The following PRORP variants were observed in gnomAD, a reference collection of about 807,000 sequenced individuals.
PRORP encodes the protein protein only RNase P catalytic subunit.
A neutral mutation model predicts 59.4 loss-of-function variants in PRORP; 51 were observed. The observed-to-expected ratio is 0.86, with a 90% CI of 0.69 to 1.08. The LOEUF (loss-of-function observed/expected upper bound fraction) is 1.08, where lower values mean the gene tolerates loss of function less well. Among genes scored for constraint, PRORP ranks in the 50% least tolerant of loss-of-function variants. The pLI is 0.00. For synonymous variants in PRORP, 231 were observed against 245.6 expected (o/e 0.94, Z 0.55); for missense variants, 646 against 690.3 (o/e 0.94, Z 0.72).
upstream of PRORP, chr14:35,121,940 A>G (rs777127421): frequency 6.2e-7 from 1 of 1,614,186 alleles, no homozygotes. Context: ...GCGCCGACGA[A>G]GAACTTCTTT....
intron 5 of PRORP, among the ~76,000 whole-genome samples, chr14:35,198,977 A>G (rs1456774041): frequency 6.6e-6 from 1 of 152,062 alleles, no homozygotes; most frequent in Non-Finnish European, 1.5e-5. Context: ...GACCAGCCTG[A>G]CCAACATGGC....
chr14:35,198,762 A>T (rs958135097), intron 5 of PRORP, among the ~76,000 whole-genome samples: 1 of 152,210 alleles, frequency 6.6e-6, no homozygotes, highest in Non-Finnish European at 1.5e-5. Flanking sequence ...GGCTGGGCGC[A>T]GTGGCTCACG....
chr14:35,161,772 T>G (rs1290906832), intron 4 of PRORP, among the ~76,000 whole-genome samples: 1 of 152,174 alleles, frequency 6.6e-6, no homozygotes, highest in Non-Finnish European at 1.5e-5. Context: ...TAAACTATCT[T>G]TACCTGAGTT....
intron 4 of PRORP, among the ~76,000 whole-genome samples, chr14:35,143,300 T>G (rs55785573): frequency 0.21 from 30,710 of 143,388 alleles, 5,975 homozygotes; most frequent in Middle Eastern, 0.35. Context: ...TAGCTGGGAT[T>G]ACAGGCATAT....
intron 4 of PRORP, among the ~76,000 whole-genome samples, chr14:35,166,574 C>G (rs951557275): frequency 5.3e-5 from 8 of 151,710 alleles, no homozygotes; most frequent in African/African-American, 1.9e-4. Flanking sequence ...CTCAGCCTCC[C>G]AAGTAGCTGG....
intron 5 of PRORP, among the ~76,000 whole-genome samples, chr14:35,209,063 A>G (rs1347861022): frequency 2.0e-5 from 3 of 151,702 alleles, no homozygotes; most frequent in African/African-American, 7.3e-5. Flanking sequence ...TAAAAATACA[A>G]ATACAAAAAT....
upstream of PRORP, chr14:35,122,036 C>G: frequency 3.9e-6 from 6 of 1,527,086 alleles, no homozygotes; most frequent in Non-Finnish European, 4.5e-6. Flanking sequence ...GCGTCAGCAC[C>G]GCCAGGCCCC....
intron 4 of PRORP, among the ~76,000 whole-genome samples, chr14:35,164,896 G>T (rs1212150880): frequency 6.6e-6 from 1 of 151,994 alleles, no homozygotes; most frequent in Non-Finnish European, 1.5e-5. Flanking sequence ...AAAATAGGGA[G>T]ACCACATCAA....
At position 35,246,600 on chromosome 14, in the gene PRORP, A is replaced by T. The variant is rs1431525750; in HGVS notation, c.1276-20127A>T. On this transcript the variant is annotated intron_variant, in intron 5 of 7. Transcript: ENST00000534898. ...TGTTTATCTGCTTTCCAGCTTCCAA[A>T]ATCTTGTTGCTATTGTCTCTAAAGT... Among the ~76,000 whole-genome samples the T allele has an allele frequency of 2.0e-5, 3 of 152,284 alleles. No homozygotes were observed. In the East Asian group the frequency reaches 5.8e-4, roughly 29 times the overall value.
At chr14:35,228,890 A>G (rs1365073099) in intron 5 of PRORP, among the ~76,000 whole-genome samples, 1 of 152,146 alleles carries the variant, frequency 6.6e-6, no homozygotes, top group African/African-American at 2.4e-5. Flanking sequence ...TTCCATGGTG[A>G]CTGAACCAAT....
At chr14:35,206,197 G>A (rs1197265078) in intron 5 of PRORP, among the ~76,000 whole-genome samples, 3 of 152,242 alleles carry the variant, frequency 2.0e-5, no homozygotes, top group South Asian at 2.1e-4. Flanking sequence ...TGCTTATGAC[G>A]GACATTGTCC....
intron 5 of PRORP, among the ~76,000 whole-genome samples, chr14:35,243,756 A>C (rs1405475179): frequency 6.6e-6 from 1 of 152,160 alleles, no homozygotes; most frequent in Non-Finnish European, 1.5e-5. Flanking sequence ...TTTCCCCATA[A>C]GTAAAAGGGA....
chr14:35,196,331 T>C (rs1287161381), intron 5 of PRORP, among the ~76,000 whole-genome samples: 3 of 151,754 alleles, frequency 2.0e-5, no homozygotes, highest in Non-Finnish European at 4.4e-5. Flanking sequence ...CTACGAAAAA[T>C]AAATTTTTAA....
chr14:35,178,734 C>T (rs1038748115), intron 4 of PRORP, among the ~76,000 whole-genome samples: 1 of 139,970 alleles, frequency 7.1e-6, no homozygotes, highest in Non-Finnish European at 1.6e-5. Context: ...GAGCATTTAG[C>T]CCATTTACAT....
chr14:35,154,667 A>G (rs1477807736), intron 4 of PRORP, among the ~76,000 whole-genome samples: 1 of 150,768 alleles, frequency 6.6e-6, no homozygotes, highest in Non-Finnish European at 1.5e-5. Context: ...GGAAACTGCA[A>G]GACAACCCAG....
At chr14:35,204,010 T>C (rs1174621047) in intron 5 of PRORP, among the ~76,000 whole-genome samples, 6 of 152,270 alleles carry the variant, frequency 3.9e-5, no homozygotes, top group African/African-American at 1.4e-4. Context: ...ACTAAGTATG[T>C]ACATATTGTA....
chr14:35,209,506 G>T (rs2049382112), intron 5 of PRORP, among the ~76,000 whole-genome samples: 1 of 152,086 alleles, frequency 6.6e-6, no homozygotes, highest in African/African-American at 2.4e-5. Flanking sequence ...TTGTCAGAAA[G>T]TTCTTAGGAT....
rs3058430 is a variant in PRORP, at chr14:35,180,526, C to CTGTGTGTGTGTGTGTGTG, written c.1168-136_1168-119dup. ...TTTTCAGATTTCATTTGTAGAGTATCTGTGTGTGTGTGTGTGTGTGTGTGT... is the reference window on the plus strand; with the variant it reads ...TTTTCAGATTTCATTTGTAGAGTATCTGTGTGTGTGTGTGTGTGTGTGTGTGTGTGTGTGTGTGTGTGT... On this transcript the variant is annotated intron_variant, in intron 4 of 7. Transcript: ENST00000534898. The CTGTGTGTGTGTGTGTGTG allele has an allele frequency of 4.9e-3, 2,625 of 537,470 alleles. 5 individuals are homozygous for CTGTGTGTGTGTGTGTGTG. The highest frequency in any genetic ancestry group is 6.7e-3 in the Non-Finnish European group (2,018 of 301,002). The allele number at this position is 537,470 out of a possible 1,614,324, so 33.3% of individuals were successfully genotyped here.
At chr14:35,168,150 TATATG>T (rs1230171978) in intron 4 of PRORP, among the ~76,000 whole-genome samples, 2 of 152,232 alleles carry the variant, frequency 1.3e-5, no homozygotes, top group African/African-American at 4.8e-5. Context: ...ACTGCTCAGT[TATATG>T]ATAAATATAT....
Sources: gnomAD v4.1 joint callset for allele counts (sites outside exome capture counted in the v4.1 genomes callset) on GRCh38, gnomAD v4.1.1 for gene constraint, MANE v1.5 for transcripts, NCBI Gene and HGNC (gene_info 2026-07-23, HGNC 2026-07-21) for gene names.